The following ELMOD1 variants were observed in gnomAD, a reference collection of about 807,000 sequenced individuals.
ELMOD1 encodes the protein ELMO domain-containing protein 1.
ELMOD1 carries 21 observed loss-of-function variants against 46.7 expected under a neutral mutation model. The observed-to-expected ratio is 0.45, with a 90% confidence interval of 0.32 to 0.65. ELMOD1 has a LOEUF of 0.65. Among genes scored for constraint, ELMOD1 ranks in the 30% least tolerant of loss-of-function variants. The probability of loss-of-function intolerance (pLI) is 0.04; values close to 1 mark genes in which losing one functional copy is unlikely to be tolerated. For synonymous variants in ELMOD1, 122 were observed against 138.2 expected (o/e 0.88, Z 0.82); for missense variants, 348 against 407.8 (o/e 0.85, Z 1.26).
chr11:107,660,990 C>A (rs1866729783), intron 11 of ELMOD1, among the ~76,000 whole-genome samples: 1 of 152,162 alleles, frequency 6.6e-6, no homozygotes, highest in African/African-American at 2.4e-5. Context: ...CAGATCAGAC[C>A]AAATGAATTT....
intron 1 of ELMOD1, among the ~76,000 whole-genome samples, chr11:107,607,636 G>T (rs1035606378): frequency 6.6e-6 from 1 of 151,892 alleles, no homozygotes; most frequent in Non-Finnish European, 1.5e-5. Context: ...CAGCCTGGGC[G>T]CCAGAGTGAG....
At chr11:107,604,858 G>A (rs187963563) in intron 1 of ELMOD1, among the ~76,000 whole-genome samples, 1 of 152,304 alleles carries the variant, frequency 6.6e-6, no homozygotes, top group East Asian at 1.9e-4. Context: ...TGCCTTAAGA[G>A]CAGAGTACCC....
In ELMOD1 at chr11:107,625,366, T is replaced by A. The variant is rs1043194371; in HGVS notation, c.18-5051T>A. On this transcript the variant is annotated intron_variant, in intron 2 of 11. Coordinates refer to ENST00000265840, the MANE Select transcript of ELMOD1 (RefSeq NM_018712.4). ...TGATTATTTTTGTACATATCTTTCA[T>A]CAACAATAGTGTACTTTTTATTTAT... The A allele has an allele frequency of 3.1e-6, 3 of 963,172 alleles. No homozygotes were observed. In the African/African-American group the frequency reaches 5.3e-5, roughly 17 times the overall value. The allele number at this position is 963,172 out of a possible 1,614,324, so 59.7% of individuals were successfully genotyped here. A position where few individuals can be genotyped will look rare whatever the true frequency, so the allele number is the denominator to read the frequency against.
At chr11:107,599,688 G>A (rs1865556775) in intron 1 of ELMOD1, among the ~76,000 whole-genome samples, 1 of 136,220 alleles carries the variant, frequency 7.3e-6, no homozygotes, top group Non-Finnish European at 1.5e-5. Flanking sequence ...GTTACAATGA[G>A]CCAAGATTGT....
At chr11:107,620,846 G>C (rs1367119239) in intron 2 of ELMOD1, among the ~76,000 whole-genome samples, 1 of 152,156 alleles carries the variant, frequency 6.6e-6, no homozygotes, top group Non-Finnish European at 1.5e-5. Context: ...CCTGGCAAAA[G>C]AGCGAGACTC....
intron 1 of ELMOD1, among the ~76,000 whole-genome samples, chr11:107,608,485 G>C: frequency 6.6e-6 from 1 of 152,182 alleles, no homozygotes; most frequent in Non-Finnish European, 1.5e-5. Context: ...ATAAGTTACA[G>C]TGTGGACCGG....
At chr11:107,635,800 A>G in intron 6 of ELMOD1, 35 bp downstream of exon 6, 2 of 1,587,774 alleles carry the variant, frequency 1.3e-6, no homozygotes, top group Non-Finnish European at 1.7e-6. Context: ...TCTTCCTCTA[A>G]GTCAGCTGAC....
chr11:107,593,313 CTG>C (rs1213069750), intron 1 of ELMOD1: 1 of 152,188 alleles, frequency 6.6e-6, no homozygotes, highest in Non-Finnish European at 1.5e-5. Flanking sequence ...CAGGACTTAA[CTG>C]AGGCATGATA....
At chr11:107,617,523 A>C (rs1200038333) in intron 1 of ELMOD1, among the ~76,000 whole-genome samples, 6 of 152,196 alleles carry the variant, frequency 3.9e-5, no homozygotes, top group Non-Finnish European at 7.4e-5. Context: ...CAAATCATAA[A>C]CCAAAAAGTG....
At chr11:107,612,652 C>T (rs971716579) in intron 1 of ELMOD1, among the ~76,000 whole-genome samples, 1 of 152,114 alleles carries the variant, frequency 6.6e-6, no homozygotes, top group Non-Finnish European at 1.5e-5. Flanking sequence ...ATTCAAAGGG[C>T]ATTTCTTATC....
At chr11:107,592,374 C>T (rs1865416276) in intron 1 of ELMOD1, 1 of 534,344 alleles carries the variant, frequency 1.9e-6, no homozygotes, top group Non-Finnish European at 3.8e-6. Context: ...TCAATTGAGT[C>T]TGTCATTTGG....
chr11:107,608,351 AT>A (rs1865722894), intron 1 of ELMOD1, among the ~76,000 whole-genome samples: 1 of 89,986 alleles, frequency 1.1e-5, no homozygotes, highest in Non-Finnish European at 2.0e-5. Context: ...TATTTTATGT[AT>A]CTTTAAAAAA....
intron 1 of ELMOD1, among the ~76,000 whole-genome samples, chr11:107,594,916 G>C (rs576712841): frequency 6.6e-6 from 1 of 152,334 alleles, no homozygotes; most frequent in South Asian, 2.1e-4. Flanking sequence ...GACCTAGTCA[G>C]AATGTTCCAA....
intron 1 of ELMOD1, chr11:107,592,680 T>G (rs1318320289): frequency 4.6e-6 from 1 of 219,678 alleles, no homozygotes; most frequent in African/African-American, 2.3e-5. Flanking sequence ...CATCTTAATC[T>G]TTTTCATAGG....
At chr11:107,656,840 G>T (rs916753065) in intron 11 of ELMOD1, among the ~76,000 whole-genome samples, 7 of 151,948 alleles carry the variant, frequency 4.6e-5, no homozygotes, top group Admixed American at 2.0e-4. Flanking sequence ...TCTCCAAGAA[G>T]GATTAGAAGA....
At chr11:107,596,431 A>G (rs1276394905) in intron 1 of ELMOD1, among the ~76,000 whole-genome samples, 1 of 152,084 alleles carries the variant, frequency 6.6e-6, no homozygotes, top group Non-Finnish European at 1.5e-5. Context: ...TTTTTCCTTT[A>G]AAAGAATAGG....
chr11:107,647,889 AC>A (rs1329956253), intron 7 of ELMOD1, among the ~76,000 whole-genome samples: 15 of 152,194 alleles, frequency 9.9e-5, no homozygotes, highest in African/African-American at 3.4e-4. Flanking sequence ...ATTGTAAAGA[AC>A]ACCCTTGTAT....
intron 5 of ELMOD1, among the ~76,000 whole-genome samples, chr11:107,634,898 A>G (rs1866201509): frequency 6.6e-6 from 1 of 152,242 alleles, no homozygotes; most frequent in African/African-American, 2.4e-5. Flanking sequence ...TGCTCAGAGA[A>G]CGGAATTGGA....
intron 1 of ELMOD1, among the ~76,000 whole-genome samples, chr11:107,598,452 T>A (rs1024019370): frequency 1.3e-5 from 2 of 152,204 alleles, no homozygotes; most frequent in Non-Finnish European, 2.9e-5. Flanking sequence ...AATGCTTATC[T>A]CATTCAGAAA....
Sources: allele counts gnomAD v4.1 joint callset (sites outside exome capture counted in the v4.1 genomes callset), GRCh38; gene constraint gnomAD v4.1.1; transcripts MANE v1.5; gene names NCBI Gene and HGNC (gene_info 2026-07-23, HGNC 2026-07-21).